Variants in GPD2 observed in about 807,000 individuals in gnomAD.
GPD2 encodes glycerol-3-phosphate dehydrogenase, mitochondrial.
In GPD2, 54 loss-of-function variants were observed where a neutral mutation model predicts 82.4. That is an observed-to-expected ratio of 0.66 (90% CI 0.53 to 0.82). GPD2 has a LOEUF of 0.82. GPD2 is among the 40% of genes least tolerant of loss of function. The pLI, the probability that GPD2 is intolerant of heterozygous loss-of-function variation, is 0.00. For synonymous variants in GPD2, 288 were observed against 306.1 expected (o/e 0.94, Z 0.62); for missense variants, 748 against 896.2 (o/e 0.83, Z 2.11).
In GPD2 at chr2:156,529,331, G is replaced by C. The variant is rs1466488903; in HGVS notation, c.661+15835G>C. On this transcript the variant is annotated intron_variant, in intron 6 of 16. Transcript: ENST00000438166. ...TTGTTTGAGTTCATTGTAGATTCTG[G>C]ATATTAGCCCTTTGTCAGATGAGTA... Among the ~76,000 whole-genome samples the C allele has an allele frequency of 5.9e-4, 86 of 144,888 alleles. 1 individual carries two copies. The highest frequency in any genetic ancestry group is 2.1e-3 in the African/African-American group (82 of 39,372).
the GPD2 span, among the ~76,000 whole-genome samples, chr2:156,418,332 G>C: frequency 6.6e-6 from 1 of 152,006 alleles, no homozygotes; most frequent in Admixed American, 6.6e-5. Context: ...GGAGGTTGCA[G>C]TGAGCCAAGA....
At position 156,510,811 on chromosome 2, in the gene GPD2, T is replaced by G. The variant is rs1412625849; in HGVS notation, c.290T>G (p.Leu97Arg). ...GGTTACACAGGACTAAAAACAGCCCTTGTAGAAAGAGATGATTTCTCATCA... is the reference window on the plus strand; with the variant it reads ...GGTTACACAGGACTAAAAACAGCCCGTGTAGAAAGAGATGATTTCTCATCA... ...DAVTRGLKTA[L>R]VERDDFSSGT... Residue 97 changes from leucine to arginine, a missense_variant, in exon 4 of 17, where the codon CTT becomes CGT. Coordinates refer to ENST00000438166, the MANE Select transcript of GPD2 (RefSeq NM_000408.5). The G allele has an allele frequency of 1.9e-6, 3 of 1,613,394 alleles. No individual in the cohort carries two copies. Among genetic ancestry groups the G allele is most frequent in the African/African-American group, 1.3e-5 (1 of 75,056 alleles).
chr2:156,430,042 A>C, the GPD2 span, among the ~76,000 whole-genome samples: 1 of 152,242 alleles, frequency 6.6e-6, no homozygotes, highest in African/African-American at 2.4e-5. Context: ...TGTTAGATGC[A>C]TATATAACAT....
chr2:156,571,082 C>T, intron 12 of GPD2, 52 bp from the exon 13 acceptor site: 1 of 1,186,062 alleles, frequency 8.4e-7, no homozygotes, highest in African/African-American at 1.5e-5. Context: ...CTTTATTTCT[C>T]ATTTTCTAAA....
At chr2:156,468,313 T>C (rs298259) in intron 1 of GPD2, among the ~76,000 whole-genome samples, 84,916 of 152,008 alleles carry the variant, frequency 0.56, 27,973 homozygotes, top group Non-Finnish European at 0.75. Context: ...TAGGACCTTC[T>C]CTGATGAGGT....
intron 1 of GPD2, among the ~76,000 whole-genome samples, chr2:156,442,021 G>T (rs1231538977): frequency 1.3e-5 from 2 of 151,944 alleles, no homozygotes; most frequent in Non-Finnish European, 2.9e-5. Context: ...TCAAAGTCTG[G>T]GTACTTTAGA....
chr2:156,452,003 G>A (rs567214622), intron 1 of GPD2, among the ~76,000 whole-genome samples: 5 of 151,936 alleles, frequency 3.3e-5, no homozygotes, highest in East Asian at 1.9e-4. Flanking sequence ...ATGGGCGGCC[G>A]GGCAGAGATG....
intron 6 of GPD2, 53 bp downstream of exon 6, chr2:156,513,549 G>T (rs1282919716): frequency 3.7e-6 from 5 of 1,344,254 alleles, no homozygotes; most frequent in South Asian, 1.2e-5. Context: ...TCTCACTCAT[G>T]ACCCGTATAG....
chr2:156,493,887 G>T (rs1038791832), intron 2 of GPD2, among the ~76,000 whole-genome samples: 7 of 150,380 alleles, frequency 4.7e-5, no homozygotes, highest in Non-Finnish European at 8.8e-5. Flanking sequence ...TCCCTCTAGG[G>T]TGGCATTTAT....
At position 156,471,929 on chromosome 2, in the gene GPD2, T is replaced by C. The variant is rs2105194199; in HGVS notation, c.-8-4169T>C. ...GTTTAGGTTTTGCCAACTGAGCTGG[T>C]GTTCTCCTTGCAAGAATTAGAGCTA... is the stretch of plus-strand genomic sequence containing the variant. On this transcript the variant is annotated intron_variant, in intron 1 of 16. Coordinates refer to ENST00000438166, the MANE Select transcript of GPD2 (RefSeq NM_000408.5). Among the ~76,000 whole-genome samples, 3 of 152,386 alleles carry C rather than the reference T, an allele frequency of 2.0e-5. No individual in the cohort carries two copies. In the South Asian group the frequency reaches 6.2e-4, roughly 32 times the overall value.
At chr2:156,459,909 G>A (rs937764613) in intron 1 of GPD2, among the ~76,000 whole-genome samples, 5 of 151,916 alleles carry the variant, frequency 3.3e-5, no homozygotes, top group African/African-American at 1.2e-4. Flanking sequence ...GCTGCCAGAC[G>A]AATGACTGAA....
chr2:156,495,817 C>T (rs781167136), intron 2 of GPD2: 4 of 517,032 alleles, frequency 7.7e-6, no homozygotes, highest in Non-Finnish European at 1.1e-5. Context: ...AATCTGAAAC[C>T]AGGTGTCCTA....
chr2:156,535,715 A>T (rs1686053753), intron 6 of GPD2, among the ~76,000 whole-genome samples: 1 of 152,246 alleles, frequency 6.6e-6, no homozygotes, highest in South Asian at 2.1e-4. Flanking sequence ...TTTTAAGAAT[A>T]ATCTAGATCT....
intron 6 of GPD2, among the ~76,000 whole-genome samples, chr2:156,518,698 T>C (rs975840934): frequency 3.3e-5 from 5 of 152,334 alleles, no homozygotes; most frequent in East Asian, 1.9e-4. Context: ...TGTTTTTTCA[T>C]TGAGTTCCTG....
At chr2:156,571,911 T>C (rs1302324949) in intron 13 of GPD2, among the ~76,000 whole-genome samples, 2 of 152,196 alleles carry the variant, frequency 1.3e-5, no homozygotes, top group Admixed American at 6.5e-5. Flanking sequence ...TCTGTATTCA[T>C]TGGGTTCTGT....
At chr2:156,569,158 A>G (rs1416386636) in intron 10 of GPD2, among the ~76,000 whole-genome samples, 199 bp downstream of exon 10, 1 of 151,780 alleles carries the variant, frequency 6.6e-6, no homozygotes, top group Admixed American at 6.6e-5. Context: ...TGTGCTTTAG[A>G]TATAAGTTTG....
chr2:156,497,618 T>C (rs1414004710), intron 3 of GPD2, among the ~76,000 whole-genome samples: 2 of 152,112 alleles, frequency 1.3e-5, no homozygotes, highest in Non-Finnish European at 2.9e-5. Flanking sequence ...AATCTACTCT[T>C]ATGGAAATGA....
At chr2:156,430,221 G>C in the GPD2 span, among the ~76,000 whole-genome samples, 1 of 152,030 alleles carries the variant, frequency 6.6e-6, no homozygotes, top group Non-Finnish European at 1.5e-5. Flanking sequence ...TTATATACCA[G>C]GCATTTTACA....
At chr2:156,552,847 T>C (rs1295774953) in intron 8 of GPD2, among the ~76,000 whole-genome samples, 1 of 151,638 alleles carries the variant, frequency 6.6e-6, no homozygotes, top group African/African-American at 2.4e-5. Context: ...TTCCTTGGGC[T>C]GTGTGGCCTG....
Sources: gnomAD v4.1 joint callset for allele counts (sites outside exome capture counted in the v4.1 genomes callset) on GRCh38, gnomAD v4.1.1 for gene constraint, MANE v1.5 for transcripts, NCBI Gene and HGNC (gene_info 2026-07-23, HGNC 2026-07-21) for gene names.